The following MTMR6 variants were observed in gnomAD, a reference collection of about 807,000 sequenced individuals.
MTMR6 encodes myotubularin related protein 6, also known as phosphatidylinositol-3,5-bisphosphate 3-phosphatase MTMR6.
Under a neutral mutation model 80.1 loss-of-function variants are expected in MTMR6, and 47 were observed. The observed-to-expected ratio is 0.59, with a 90% CI of 0.46 to 0.75. The LOEUF is 0.75. MTMR6 is among the 30% of genes least tolerant of loss of function. MTMR6 has a pLI of 0.00. For synonymous variants in MTMR6, 254 were observed against 253.0 expected (o/e 1.00, Z -0.04); for missense variants, 629 against 730.9 (o/e 0.86, Z 1.61).
chr13:25,281,282 AGT>A (rs1489282237), intron 1 of MTMR6, among the ~76,000 whole-genome samples: 1 of 152,118 alleles, frequency 6.6e-6, no homozygotes, highest in Non-Finnish European at 1.5e-5. Flanking sequence ...GGCTGCAATG[AGT>A]TATGATCATA....
At chr13:25,272,768 C>T (rs1373201468) in intron 2 of MTMR6, among the ~76,000 whole-genome samples, 6 of 152,114 alleles carry the variant, frequency 3.9e-5, no homozygotes, top group African/African-American at 1.2e-4. Flanking sequence ...GCTGTAAAGG[C>T]CATGATTTTG....
intron 1 of MTMR6, among the ~76,000 whole-genome samples, chr13:25,286,983 G>T (rs559983912): frequency 6.6e-6 from 1 of 152,126 alleles, no homozygotes; most frequent in African/African-American, 2.4e-5. Flanking sequence ...TTATCTCTAC[G>T]CACTCCAAGA....
At chr13:25,258,188 ATATC>A (rs1957256680) in intron 7 of MTMR6, among the ~76,000 whole-genome samples, 2 of 152,188 alleles carry the variant, frequency 1.3e-5, no homozygotes, top group Non-Finnish European at 2.9e-5. Flanking sequence ...CTACTCAAGA[ATATC>A]TATCTAATAA....
At position 25,257,378 on chromosome 13, in the gene MTMR6, A is replaced by G. The variant is rs867223490; in HGVS notation, c.970-57T>C. ...ACTTTAAGGTAAACCAATAAATTCT[A>G]CTTGAAAATCATACTAGCAGGTATT... On this transcript the variant is annotated intron_variant, in intron 8 of 13. Coordinates refer to ENST00000381801, the MANE Select transcript of MTMR6 (RefSeq NM_004685.5). 5.1e-5 allele frequency: 81 copies of G among 1,582,962 alleles called. No individual in the cohort carries two copies. The Middle Eastern group carries it at 4.5e-3, about 88-fold the overall frequency.
At chr13:25,264,775 A>AAAAAAAAAAG (rs1491106020) in intron 5 of MTMR6, among the ~76,000 whole-genome samples, 12 of 133,720 alleles carry the variant, frequency 9.0e-5, no homozygotes, top group South Asian at 8.7e-4. Context: ...AAAAAAAAAA[A>AAAAAAAAAAG]GAAATTTCAG....
chr13:25,254,361 T>C (rs766267962), intron 10 of MTMR6, 24 bp downstream of exon 10: 6 of 1,517,358 alleles, frequency 4.0e-6, no homozygotes, highest in Non-Finnish European at 4.6e-6. Flanking sequence ...TTATAAAATA[T>C]ATGACTGTGT....
At chr13:25,283,834 T>C (rs562073739) in intron 1 of MTMR6, among the ~76,000 whole-genome samples, 18 of 152,316 alleles carry the variant, frequency 1.2e-4, no homozygotes, top group African/African-American at 4.3e-4. Flanking sequence ...TCTCTGCATA[T>C]TTCTCATTGT....
rs778859254 is a variant in MTMR6, at chr13:25,251,845, C to T, written c.1478+8G>A. 40 of 1,605,390 alleles carry T rather than the reference C, an allele frequency of 2.5e-5. No individual in the cohort carries two copies. Among genetic ancestry groups the T allele is most frequent in the Non-Finnish European group, 3.2e-5 (38 of 1,177,816 alleles). On this transcript the variant is annotated splice_region_variant and intron_variant, in intron 12 of 13. Transcript: ENST00000381801. This position sits in a 1 kb window ranked among gnomAD's most constrained non-coding sequence, Gnocchi z 4.1. ...TCAAGTATAAATACTCCAATGATGT[C>T]AACTTACTTAAAATTGAAAGATACT...
Position 25,252,096 on chromosome 13 carries a change from T to C in MTMR6, c.1347-112A>G, listed in dbSNP as rs1957102041. 11 of 1,190,096 alleles carry C rather than the reference T, an allele frequency of 9.2e-6. No homozygotes were observed. The Admixed American group carries it at 1.9e-4, about 20-fold the overall frequency. The allele number at this position is 1,190,096 out of a possible 1,614,324, so 73.7% of individuals were successfully genotyped here. On this transcript the variant is annotated intron_variant, in intron 11 of 13. Coordinates refer to ENST00000381801, the MANE Select transcript of MTMR6 (RefSeq NM_004685.5). Reference sequence around the variant, plus strand: ...CTTCCGAAGCAGATTTAAATTTTAGTTTTTTCTTGTATTCACAGTCTAACC... The same window carrying C: ...CTTCCGAAGCAGATTTAAATTTTAGCTTTTTCTTGTATTCACAGTCTAACC...
At chr13:25,258,771 C>A in intron 6 of MTMR6, 79 bp from the exon 7 acceptor site, 1 of 1,288,794 alleles carries the variant, frequency 7.8e-7, no homozygotes, top group South Asian at 1.7e-5. Flanking sequence ...ATTAAATAAG[C>A]AGTATTTTAG....
chr13:25,261,592 A>G, intron 6 of MTMR6, 76 bp downstream of exon 6: 1 of 1,240,594 alleles, frequency 8.1e-7, no homozygotes, highest in East Asian at 2.7e-5. Flanking sequence ...AAATATGGGC[A>G]AGTTTATTAA....
intron 1 of MTMR6, among the ~76,000 whole-genome samples, chr13:25,275,047 C>A (rs1297601232): frequency 2.0e-5 from 3 of 146,608 alleles, no homozygotes; most frequent in Non-Finnish European, 4.5e-5. Flanking sequence ...TAGGGCTAAC[C>A]AGGAATGTGC....
At chr13:25,286,713 G>C (rs1300794296) in intron 1 of MTMR6, among the ~76,000 whole-genome samples, 1 of 152,172 alleles carries the variant, frequency 6.6e-6, no homozygotes, top group East Asian at 1.9e-4. Flanking sequence ...CACCGGATGC[G>C]AAAGACTGGA....
chr13:25,273,636 C>T (rs1490691583), intron 2 of MTMR6, among the ~76,000 whole-genome samples: 3 of 151,560 alleles, frequency 2.0e-5, no homozygotes, highest in African/African-American at 7.3e-5. Flanking sequence ...AGCAATTCTC[C>T]TGCCTCACCC....
rs1452836704 is a variant in MTMR6 at position 25,276,100 on chromosome 13, T to C, written c.25-1913A>G. On this transcript the variant is annotated intron_variant, in intron 1 of 13. Transcript: ENST00000381801. ...AATGGGATCAACTACTGTTTACTCC[T>C]CTTCATTGTGCGTGACTTGGCTGGA... is the stretch of plus-strand genomic sequence containing the variant. Among the ~76,000 whole-genome samples the C allele has an allele frequency of 2.0e-5, 3 of 152,310 alleles. No homozygotes were observed. In the East Asian group the frequency reaches 5.8e-4, roughly 29 times the overall value.
At chr13:25,261,644 C>G in intron 6 of MTMR6, 24 bp downstream of exon 6, 1 of 1,564,816 alleles carries the variant, frequency 6.4e-7, no homozygotes. Flanking sequence ...AACTAGCAGA[C>G]TGTACTGTAT....
chr13:25,268,074 T>C, intron 2 of MTMR6, 133 bp from the exon 3 acceptor site: 3 of 804,392 alleles, frequency 3.7e-6, no homozygotes, highest in South Asian at 2.3e-5. Context: ...CTTCACGTTT[T>C]TAAAATGACT....
rs7998220 is a variant in MTMR6 at position 25,246,726 on chromosome 13, C to G, written c.*2506G>C. 3.4e-3 allele frequency: 527 copies of G among 152,860 alleles called. 9 individuals are homozygous for G. The highest frequency in any genetic ancestry group is 0.012 in the African/African-American group (508 of 41,576). 9.5% of individuals were successfully genotyped at this position (152,860 alleles called of 1,614,324 possible). On this transcript the variant is annotated 3_prime_UTR_variant, in exon 14 of 14. Coordinates refer to ENST00000381801, the MANE Select transcript of MTMR6 (RefSeq NM_004685.5). ...TGTTTCAAAACAGGCTTGACTGACA[C>G]CACCTCCCTGCTCTGCTACCCGACC...
intron 1 of MTMR6, among the ~76,000 whole-genome samples, chr13:25,281,839 C>T (rs780108863): frequency 1.3e-5 from 2 of 152,214 alleles, no homozygotes; most frequent in Non-Finnish European, 2.9e-5. Context: ...ATTTCTAGAA[C>T]AGTGTCTGGC....
Sources: allele counts gnomAD v4.1 joint callset (sites outside exome capture counted in the v4.1 genomes callset), GRCh38; gene constraint gnomAD v4.1.1; non-coding constraint Gnocchi (gnomAD v3.1); transcripts MANE v1.5; gene names NCBI Gene and HGNC (gene_info 2026-07-23, HGNC 2026-07-21).